The following CSMD1 variants were observed in gnomAD, a reference collection of about 807,000 sequenced individuals.
CSMD1 encodes CUB and sushi domain-containing protein 1.
CSMD1 carries 213 observed loss-of-function variants against 417.5 expected under a neutral mutation model. The ratio of observed to expected loss-of-function variants is 0.51; its 90% CI spans 0.46 to 0.57. The LOEUF is 0.57. Among genes scored for constraint, CSMD1 ranks in the 20% least tolerant of loss-of-function variants. CSMD1 has a pLI of 0.00. For missense variants in CSMD1, 6,923 were observed against 4,529.7 expected, an observed-to-expected ratio of 1.53 and a Z score of -15.17; for synonymous variants, 2,862 against 1,736.8, an observed-to-expected ratio of 1.65 and a Z score of -16.11.
chr8:4,385,018 C>A (rs1396131068), intron 3 of CSMD1, among the ~76,000 whole-genome samples: 1 of 152,124 alleles, frequency 6.6e-6, no homozygotes, highest in South Asian at 2.1e-4. Context: ...CCTCCGTCCC[C>A]CTGGTTCAAG....
chr8:2,996,881 C>T (rs1434214135), intron 54 of CSMD1, among the ~76,000 whole-genome samples: 2 of 152,182 alleles, frequency 1.3e-5, no homozygotes, highest in African/African-American at 4.8e-5. Flanking sequence ...AAATCAGTAA[C>T]CATGTTCCTC....
intron 2 of CSMD1, among the ~76,000 whole-genome samples, chr8:4,441,814 C>A (rs1473743934): frequency 1.3e-5 from 2 of 152,116 alleles, no homozygotes; most frequent in Admixed American, 1.3e-4. Context: ...AAGGTTCAAT[C>A]AAACACTGAA....
At chr8:3,299,714 AG>A (rs1295130496) in intron 25 of CSMD1, among the ~76,000 whole-genome samples, 1 of 152,222 alleles carries the variant, frequency 6.6e-6, no homozygotes, top group East Asian at 1.9e-4. Context: ...TGCACAGAGA[AG>A]AGGAAGTCAC....
chr8:3,344,302 G>C (rs1035950218), intron 22 of CSMD1, among the ~76,000 whole-genome samples: 10 of 152,150 alleles, frequency 6.6e-5, no homozygotes, highest in Non-Finnish European at 1.3e-4. Context: ...TCAGGTAACA[G>C]AAACAGCACT....
intron 1 of CSMD1, among the ~76,000 whole-genome samples, chr8:4,944,402 G>A (rs888146050): frequency 6.6e-6 from 1 of 152,184 alleles, no homozygotes; most frequent in South Asian, 2.1e-4. Context: ...TCAGATGGTT[G>A]TAGGAATTCT....
chr8:3,800,838 G>C (rs755222851), intron 5 of CSMD1, among the ~76,000 whole-genome samples: 4 of 151,902 alleles, frequency 2.6e-5, no homozygotes, highest in Non-Finnish European at 4.4e-5. Context: ...ATCATGTTTT[G>C]ACACAGCACA....
chr8:3,828,682 T>C (rs1311116688), intron 5 of CSMD1, among the ~76,000 whole-genome samples: 1 of 152,154 alleles, frequency 6.6e-6, no homozygotes, highest in East Asian at 1.9e-4. Flanking sequence ...ACGGACCTCT[T>C]TTCAGGTTGC....
intron 3 of CSMD1, among the ~76,000 whole-genome samples, chr8:4,129,089 AAAACAAAAC>A (rs1802937947): frequency 6.6e-6 from 1 of 150,786 alleles, no homozygotes; most frequent in Non-Finnish European, 1.5e-5. Context: ...AAAAAAAAAA[AAAACAAAAC>A]AAAAAAAACA....
intron 18 of CSMD1, 149 bp downstream of exon 18, chr8:3,387,345 G>C (rs894106402): frequency 1.7e-6 from 1 of 598,660 alleles, no homozygotes; most frequent in Non-Finnish European, 2.9e-6. Context: ...GATCGGGAAT[G>C]ATACGATGAT....
intron 1 of CSMD1, among the ~76,000 whole-genome samples, chr8:4,753,393 C>T (rs962644001): frequency 2.1e-5 from 3 of 145,844 alleles, no homozygotes; most frequent in Middle Eastern, 3.5e-3. Flanking sequence ...TCCCTACTTT[C>T]CACCATAAAC....
chr8:4,054,318 G>A (rs926810144), intron 3 of CSMD1, among the ~76,000 whole-genome samples: 1 of 152,122 alleles, frequency 6.6e-6, no homozygotes, highest in Non-Finnish European at 1.5e-5. Flanking sequence ...CCTCTCCTCT[G>A]GGGAGCTGGG....
At chr8:4,761,352 T>C (rs1812028240) in intron 1 of CSMD1, among the ~76,000 whole-genome samples, 1 of 149,224 alleles carries the variant, frequency 6.7e-6, no homozygotes, top group South Asian at 2.2e-4. Context: ...ATTAATTACA[T>C]CTTGAAATCG....
intron 1 of CSMD1, among the ~76,000 whole-genome samples, chr8:4,773,384 T>C (rs369546600): frequency 2.6e-5 from 4 of 152,070 alleles, no homozygotes; most frequent in African/African-American, 9.7e-5. Flanking sequence ...GACCAGAAAA[T>C]CCCAATAGCT....
At chr8:4,147,127 C>T (rs892239063) in intron 3 of CSMD1, among the ~76,000 whole-genome samples, 2 of 151,952 alleles carry the variant, frequency 1.3e-5, no homozygotes, top group African/African-American at 4.8e-5. Flanking sequence ...CCAATCTCTT[C>T]CTCAGTTACC....
chr8:3,246,670 C>T (rs1199118724), intron 26 of CSMD1, among the ~76,000 whole-genome samples: 1 of 152,158 alleles, frequency 6.6e-6, no homozygotes, highest in Non-Finnish European at 1.5e-5. Context: ...CGGGGTTTTG[C>T]CATGTTGGCC....
chr8:4,162,988 TG>T (rs1174368137), intron 3 of CSMD1, among the ~76,000 whole-genome samples: 1 of 152,166 alleles, frequency 6.6e-6, no homozygotes, highest in Non-Finnish European at 1.5e-5. Context: ...AATCACAAAG[TG>T]GGTAACCTTT....
chr8:4,809,970 G>C (rs1056480198), intron 1 of CSMD1, among the ~76,000 whole-genome samples: 1 of 152,014 alleles, frequency 6.6e-6, no homozygotes. Flanking sequence ...CTGCAAACGG[G>C]GTAATTACAG....
At chr8:4,787,829 T>A (rs10503283) in intron 1 of CSMD1, 6 of 1,574,054 alleles carry the variant, frequency 3.8e-6, no homozygotes, top group South Asian at 2.2e-5. Flanking sequence ...CAGGCTATAT[T>A]TGAAATGCTG....
chr8:4,467,122 TAAAA>T (rs35481238), intron 2 of CSMD1, among the ~76,000 whole-genome samples: 7 of 86,262 alleles, frequency 8.1e-5, no homozygotes, highest in African/African-American at 2.7e-4. Flanking sequence ...TTCTTCAGAG[TAAAA>T]AAAAAAAAAA....
Sources: gnomAD v4.1 joint callset for allele counts (sites outside exome capture counted in the v4.1 genomes callset) on GRCh38, gnomAD v4.1.1 for gene constraint, MANE v1.5 for transcripts, NCBI Gene and HGNC (gene_info 2026-07-23, HGNC 2026-07-21) for gene names.